ANKRD10: variants seen among roughly 807,000 people sequenced by gnomAD.
The protein encoded by ANKRD10 is ankyrin repeat domain-containing protein 10.
In ANKRD10, 14 loss-of-function variants were observed where a neutral mutation model predicts 27.0. That is an observed-to-expected ratio of 0.52 (90% CI 0.34 to 0.81). The LOEUF (loss-of-function observed/expected upper bound fraction) is 0.81, where lower values mean the gene tolerates loss of function less well. Among genes scored for constraint, ANKRD10 ranks in the 40% least tolerant of loss-of-function variants. ANKRD10 has a pLI of 0.01. For synonymous variants in ANKRD10, 250 were observed against 224.5 expected (o/e 1.11, Z -1.01); for missense variants, 493 against 544.0 (o/e 0.91, Z 0.93).
rs1304028711 is a variant in ANKRD10, at chr13:110,893,150, T to C, written c.569A>G (p.Asn190Ser). 6.2e-7 allele frequency: 1 copy of C among 1,614,234 alleles called. No individual in the cohort carries two copies. Among genetic ancestry groups the C allele is most frequent in the Non-Finnish European group, 8.5e-7 (1 of 1,180,036 alleles). The change falls in exon 4 of 6, where the codon AAC (asparagine) becomes AGC (serine). Residue 190 changes from asparagine (N) to serine (S), a missense_variant. Asn to Ser is a conservative substitution (Grantham distance 46). Coordinates refer to ENST00000267339, the MANE Select transcript of ANKRD10 (RefSeq NM_017664.4). ...LQNCHLNHFYNNGILNGGHQN... is the reference protein window; with the variant it reads ...LQNCHLNHFYSNGILNGGHQN... The stretch of plus-strand genomic sequence containing the variant: ...ATGACCCCCATTTAAGATGCCATTG[T>C]TATAGAAATGGTTCAGATGACAATT...
chr13:110,891,124 AAG>A, intron 4 of ANKRD10, among the ~76,000 whole-genome samples: 1 of 152,330 alleles, frequency 6.6e-6, no homozygotes, highest in South Asian at 2.1e-4. Context: ...TATCAGCAAT[AAG>A]AGAAAATGAA....
chr13:110,894,163 C>A, intron 3 of ANKRD10: 1 of 1,612,266 alleles, frequency 6.2e-7, no homozygotes, highest in Non-Finnish European at 8.5e-7. Flanking sequence ...GTTGAAGTTC[C>A]CCTGGAAGAC....
intron 3 of ANKRD10, chr13:110,905,098 T>C (rs957326771): frequency 6.8e-6 from 1 of 147,860 alleles, no homozygotes; most frequent in Non-Finnish European, 1.5e-5. Context: ...TGGTTTATAA[T>C]TAATTTTCAT....
Position 110,898,597 on chromosome 13 carries a change from C to T in ANKRD10, c.456-5334G>A, listed in dbSNP as rs528883020. Reference sequence around the variant, plus strand: ...TTTGTCTGTTTGTTTTAAACAGGGTCTCACTCCCATCACCCAGGCTGGAGT... The same window carrying T: ...TTTGTCTGTTTGTTTTAAACAGGGTTTCACTCCCATCACCCAGGCTGGAGT... On this transcript the variant is annotated intron_variant, in intron 3 of 5. Coordinates refer to ENST00000267339, the MANE Select transcript of ANKRD10 (RefSeq NM_017664.4). Among the ~76,000 whole-genome samples the T allele has an allele frequency of 5.9e-5, 9 of 152,174 alleles. No individual in the cohort carries two copies. The East Asian group carries it at 1.7e-3, about 29-fold the overall frequency.
At chr13:110,894,403 CAAAAAAAAAAA>C (rs5806877) in intron 3 of ANKRD10, 2 of 62,720 alleles carry the variant, frequency 3.2e-5, no homozygotes, top group South Asian at 9.4e-4. Context: ...ACTGTTAATG[CAAAAAAAAAAA>C]AAAAAAAAAA....
intron 3 of ANKRD10, chr13:110,895,275 A>G (rs905249904): frequency 5.3e-5 from 8 of 152,224 alleles, no homozygotes; most frequent in African/African-American, 1.9e-4. Context: ...GATTTTTGAA[A>G]TGGCACTTAG....
At chr13:110,905,904 T>TAAG (rs2065518033) in intron 3 of ANKRD10, 129 bp downstream of exon 3, 2 of 871,546 alleles carry the variant, frequency 2.3e-6, no homozygotes, top group East Asian at 5.5e-5. Context: ...CCAACTGTTC[T>TAAG]AAAAGGCAAA....
intron 5 of ANKRD10, among the ~76,000 whole-genome samples, chr13:110,882,740 G>A (rs2064843025): frequency 6.6e-6 from 1 of 152,200 alleles, no homozygotes; most frequent in African/African-American, 2.4e-5. Context: ...CAGCAATTCT[G>A]TAGCTTCCAG....
chr13:110,910,679 A>C lies in ANKRD10; in HGVS notation c.302T>G (p.Phe101Cys). The C allele has an allele frequency of 6.2e-7, 1 of 1,614,074 alleles. No individual in the cohort carries two copies. Among genetic ancestry groups the C allele is most frequent in the Non-Finnish European group, 8.5e-7 (1 of 1,179,992 alleles). Residue 101 changes from phenylalanine to cysteine, a missense_variant, in exon 2 of 6, where the codon TTT becomes TGT. Transcript: ENST00000267339. ...GACCAGGCACTGAGGATGTCCCCCA[A>C]AGGCTGCAATGTGGGCTGGCGTCTG... Reference protein sequence around the residue: ...YAQTPAHIAAFGGHPQCLVWL... With the variant: ...YAQTPAHIAACGGHPQCLVWL...
intron 1 of ANKRD10, among the ~76,000 whole-genome samples, chr13:110,912,535 A>C (rs1011744294): frequency 6.6e-6 from 1 of 152,234 alleles, no homozygotes; most frequent in African/African-American, 2.4e-5. Context: ...AAAATCAGCT[A>C]TTCAGGGCTC....
intron 1 of ANKRD10, chr13:110,914,519 C>G: frequency 3.3e-6 from 2 of 597,492 alleles, no homozygotes. Flanking sequence ...TCGCTTCCGC[C>G]CCGCGCCCCC....
At chr13:110,896,059 A>G (rs1224941515) in intron 3 of ANKRD10, among the ~76,000 whole-genome samples, 1 of 152,244 alleles carries the variant, frequency 6.6e-6, no homozygotes. Context: ...AAGCAAGAAC[A>G]ATCACAGGTC....
chr13:110,912,343 G>A (rs931140767), intron 1 of ANKRD10, among the ~76,000 whole-genome samples: 1 of 152,242 alleles, frequency 6.6e-6, no homozygotes, highest in Non-Finnish European at 1.5e-5. Context: ...ACTCCTGTGA[G>A]ATGAAGAGTA....
chr13:110,910,698 G>GCGTCTGCGCGTAC lies in ANKRD10; in HGVS notation c.270_282dup (p.Pro95ValfsTer29), dbSNP rs767031712. ...CCCCCAAAGGCTGCAATGTGGGCTG[G>GCGTCTGCGCGTAC]CGTCTGCGCGTACCGTGTGGTGGAG... On this transcript the variant is annotated frameshift_variant, in exon 2 of 6. Coordinates refer to ENST00000267339, the MANE Select transcript of ANKRD10 (RefSeq NM_017664.4). LOFTEE classifies it high-confidence loss of function. 2.6e-5 allele frequency: 42 copies of GCGTCTGCGCGTAC among 1,614,036 alleles called. No homozygotes were observed. Among genetic ancestry groups the GCGTCTGCGCGTAC allele is most frequent in the Non-Finnish European group, 3.3e-5 (39 of 1,180,036 alleles).
rs548727959 is a variant in ANKRD10, at chr13:110,879,356, G to A, written c.*281C>T. 20 of 374,568 alleles carry A rather than the reference G, an allele frequency of 5.3e-5. No individual in the cohort carries two copies. In the South Asian group the frequency reaches 1.2e-3, roughly 22 times the overall value. The allele number at this position is 374,568 out of a possible 1,614,324, so 23.2% of individuals were successfully genotyped here. On this transcript the variant is annotated 3_prime_UTR_variant, in exon 6 of 6. Coordinates refer to ENST00000267339, the MANE Select transcript of ANKRD10 (RefSeq NM_017664.4). ...AAAAAGAAAAATGGCAATATCTGGT[G>A]ACAGTATTAAAAAGACAATGTTGAG...
intron 4 of ANKRD10, among the ~76,000 whole-genome samples, chr13:110,887,091 G>C (rs1330680105): frequency 2.0e-5 from 3 of 152,204 alleles, no homozygotes; most frequent in African/African-American, 7.2e-5. Context: ...ACTAGAGCCA[G>C]TAGAGCACGC....
At chr13:110,897,202 C>T (rs1205125388) in intron 3 of ANKRD10, among the ~76,000 whole-genome samples, 5 of 151,950 alleles carry the variant, frequency 3.3e-5, no homozygotes, top group African/African-American at 9.7e-5. Context: ...TCATAGTTCA[C>T]CACACCCTGG....
chr13:110,890,737 A>G (rs2065052378), intron 4 of ANKRD10, among the ~76,000 whole-genome samples: 1 of 152,190 alleles, frequency 6.6e-6, no homozygotes, highest in African/African-American at 2.4e-5. Flanking sequence ...GGCTCCAACC[A>G]TATTTTTGTC....
chr13:110,896,705 T>C (rs2065235051), intron 3 of ANKRD10, among the ~76,000 whole-genome samples: 1 of 152,264 alleles, frequency 6.6e-6, no homozygotes, highest in Non-Finnish European at 1.5e-5. Flanking sequence ...TGTTGTAGGC[T>C]GAAAGCAGCC....
Sources: gnomAD v4.1 joint callset for allele counts (sites outside exome capture counted in the v4.1 genomes callset) on GRCh38, gnomAD v4.1.1 for gene constraint, MANE v1.5 for transcripts, NCBI Gene and HGNC (gene_info 2026-07-23, HGNC 2026-07-21) for gene names.